Variants in ZFHX4 observed in about 807,000 individuals in gnomAD.
The protein encoded by ZFHX4 is zinc finger homeobox 4, also known as zinc finger homeobox protein 4.
ZFHX4 carries 56 observed loss-of-function variants against 267.6 expected under a neutral mutation model. The observed-to-expected ratio is 0.21, with a 90% CI of 0.17 to 0.26. ZFHX4 has a LOEUF of 0.26. Among genes scored for constraint, ZFHX4 ranks in the 10% least tolerant of loss-of-function variants. ZFHX4 has a pLI of 1.00. For synonymous variants in ZFHX4, 1,778 were observed against 1,665.6 expected, an observed-to-expected ratio of 1.07 and a Z score of -1.64; for missense variants, 4,332 against 4,420.0, an observed-to-expected ratio of 0.98 and a Z score of 0.56.
chr8:76,696,193 C>T (rs1807951609), intron 1 of ZFHX4, among the ~76,000 whole-genome samples: 1 of 152,136 alleles, frequency 6.6e-6, no homozygotes, highest in Non-Finnish European at 1.5e-5. Context: ...GTTCTGTAGA[C>T]ACTAATCTTA....
At chr8:76,847,631 G>T (rs1812398629) in intron 6 of ZFHX4, among the ~76,000 whole-genome samples, 1 of 151,932 alleles carries the variant, frequency 6.6e-6, no homozygotes, top group Non-Finnish European at 1.5e-5. Context: ...ATTTTGATCT[G>T]CATGGAATCA....
rs780992538 is a variant in ZFHX4, at chr8:76,706,574, T to C, written c.2486T>C (p.Ile829Thr). 8.1e-6 allele frequency: 13 copies of C among 1,611,702 alleles called. No individual in the cohort carries two copies. The South Asian group carries it at 1.3e-4, about 16-fold the overall frequency. Residue 829 changes from isoleucine to threonine, a missense_variant, in exon 2 of 11, where the codon ATA becomes ACA. By Grantham distance (89) the Ile-to-Thr change is moderately conservative (BLOSUM62 -1). Transcript: ENST00000651372. ...TATCAGTACTACCTAGCCCAGAACA[T>C]AGGCCTGACCGGAATGAAGCTGGAA... is the stretch of plus-strand genomic sequence containing the variant. ...ELYQYYLAQN[I>T]GLTGMKLENP... is the part of the protein sequence containing the mutation.
At chr8:76,847,164 T>C (rs1215657511) in intron 6 of ZFHX4, among the ~76,000 whole-genome samples, 1 of 152,206 alleles carries the variant, frequency 6.6e-6, no homozygotes, top group Non-Finnish European at 1.5e-5. Context: ...TAAAATATCA[T>C]AGTTTTCTTA....
At chr8:76,715,481 T>TAA (rs764567552) in intron 3 of ZFHX4, among the ~76,000 whole-genome samples, 18 of 62,338 alleles carry the variant, frequency 2.9e-4, no homozygotes, top group East Asian at 1.2e-3. Flanking sequence ...GACTCCATCT[T>TAA]AAAAAAAAAA....
chr8:76,754,304 G>A (rs756690019), intron 3 of ZFHX4, among the ~76,000 whole-genome samples: 15 of 151,984 alleles, frequency 9.9e-5, no homozygotes, highest in South Asian at 2.1e-4. Context: ...CCTGGCCAAC[G>A]TGACAAAACC....
chr8:76,774,765 T>C (rs540312048), intron 3 of ZFHX4, among the ~76,000 whole-genome samples: 107 of 152,264 alleles, frequency 7.0e-4, no homozygotes, highest in African/African-American at 2.5e-3. Context: ...TTTTAGAAAT[T>C]TGAAAAATTT....
At chr8:76,748,119 G>C (rs1001475191) in intron 3 of ZFHX4, among the ~76,000 whole-genome samples, 6 of 151,934 alleles carry the variant, frequency 3.9e-5, no homozygotes, top group Admixed American at 2.0e-4. Context: ...TTATATGTTT[G>C]CAAAATCCTT....
Position 76,849,110 on chromosome 8 carries a change from T to A in ZFHX4, c.3627T>A (p.Asn1209Lys). Residue 1209 changes from asparagine to lysine, a missense_variant, in exon 7 of 11, where the codon AAT (asparagine) becomes AAA (lysine). Physicochemically the swap from Asn to Lys is moderately conservative, Grantham distance 94. Transcript: ENST00000651372. ...ATKRSKPTEDNKFCHEQFYQC... is the reference protein window; with the variant it reads ...ATKRSKPTEDKKFCHEQFYQC... ...AAAGGTCAAAACCTACAGAGGACAATAAATTCTGTCATGAACAGGTAAATA... is the reference window on the plus strand; with the variant it reads ...AAAGGTCAAAACCTACAGAGGACAAAAAATTCTGTCATGAACAGGTAAATA... 1 of 1,559,952 alleles carries A rather than the reference T, an allele frequency of 6.4e-7. No individual in the cohort carries two copies. Among genetic ancestry groups the A allele is most frequent in the Non-Finnish European group, 8.7e-7 (1 of 1,151,988 alleles).
At position 76,706,631 on chromosome 8, in the gene ZFHX4, C is replaced by A. The variant is rs1457638884; in HGVS notation, c.2543C>A (p.Pro848Gln). 1 of 1,605,278 alleles carries A rather than the reference C, an allele frequency of 6.2e-7. No homozygotes were observed. Among genetic ancestry groups the A allele is most frequent in the Non-Finnish European group, 8.5e-7 (1 of 1,176,662 alleles). ...GCCGACCCTCAGCTGATGATCAATC[C>A]ATTCCAGCTGGATCCAGCGACAGCA... is the stretch of plus-strand genomic sequence containing the variant. ...NPADPQLMIN[P>Q]FQLDPATAAA... The change falls in exon 2 of 11, where the codon CCA (proline) becomes CAA (glutamine). Residue 848 changes from proline (P) to glutamine (Q), a missense_variant. Pro to Gln is a moderately conservative substitution (Grantham distance 76, BLOSUM62 -1). Transcript: ENST00000651372.
In ZFHX4 at chr8:76,866,524, T is replaced by C. The variant is rs1427338009; in HGVS notation, c.*1959T>C. The C allele has an allele frequency of 6.6e-6, 1 of 152,370 alleles. No individual in the cohort carries two copies. The highest frequency in any genetic ancestry group is 1.9e-4 in the East Asian group (1 of 5,168). 9.4% of individuals were successfully genotyped at this position (152,370 alleles called of 1,614,324 possible). A position where few individuals can be genotyped will look rare whatever the true frequency, so the allele number is the denominator to read the frequency against. On this transcript the variant is annotated 3_prime_UTR_variant, in exon 11 of 11. Transcript: ENST00000651372. ...CTGAAGACACTTTTTTGATTGTGTTTCGTAAGAGACAACATGGCCTCCTAA... is the reference window on the plus strand; with the variant it reads ...CTGAAGACACTTTTTTGATTGTGTTCCGTAAGAGACAACATGGCCTCCTAA...
In ZFHX4 at chr8:76,852,631, G is replaced by A; in HGVS notation, c.5710G>A (p.Ala1904Thr). ...CCCACCACCCCGAATAGCTTCAGGG[G>A]CCAGAGGAAATGCTGCCAAAGCGTT... is the stretch of plus-strand genomic sequence containing the variant. ...SIPPPRIASG[A>T]RGNAAKALLE... Residue 1904 changes from alanine to threonine, a missense_variant, in exon 10 of 11, where the codon GCC becomes ACC. This residue lies in a region of ZFHX4 where 1,371 missense variants were observed against 1,423.1 expected (regional missense o/e 0.96). Coordinates refer to ENST00000651372, the MANE Select transcript of ZFHX4 (RefSeq NM_024721.5). 6.2e-7 allele frequency: 1 copy of A among 1,613,044 alleles called. No homozygotes were observed. Among genetic ancestry groups the A allele is most frequent in the Non-Finnish European group, 8.5e-7 (1 of 1,179,404 alleles).
intron 4 of ZFHX4, among the ~76,000 whole-genome samples, chr8:76,802,438 T>G (rs906102838): frequency 6.6e-6 from 1 of 152,168 alleles, no homozygotes; most frequent in African/African-American, 2.4e-5. Context: ...AAAACGCATA[T>G]GTACTTGTAG....
chr8:76,749,079 T>C (rs1262170225), intron 3 of ZFHX4, among the ~76,000 whole-genome samples: 1 of 152,240 alleles, frequency 6.6e-6, no homozygotes, highest in Non-Finnish European at 1.5e-5. Flanking sequence ...GGACTTTGTC[T>C]GGGATGAACT....
chr8:76,717,964 G>T (rs1032098183), intron 3 of ZFHX4, among the ~76,000 whole-genome samples: 1 of 152,130 alleles, frequency 6.6e-6, no homozygotes, highest in African/African-American at 2.4e-5. Flanking sequence ...CTAACTATTC[G>T]TTTGGCAGGC....
chr8:76,683,019 A>C (rs1203044387), intron 1 of ZFHX4: 1 of 152,170 alleles, frequency 6.6e-6, no homozygotes, highest in Non-Finnish European at 1.5e-5. Context: ...TTCCCCTAGA[A>C]GACGGTGCAC....
chr8:76,722,379 G>A (rs561893859), intron 3 of ZFHX4, among the ~76,000 whole-genome samples: 1 of 151,982 alleles, frequency 6.6e-6, no homozygotes, highest in African/African-American at 2.4e-5. Flanking sequence ...AACACTTGAT[G>A]AGCCTAATAA....
intron 3 of ZFHX4, among the ~76,000 whole-genome samples, chr8:76,734,721 T>A (rs1348041254): frequency 6.6e-6 from 1 of 152,154 alleles, no homozygotes; most frequent in East Asian, 1.9e-4. Context: ...GCATTTTCAG[T>A]GTGCTTTCAA....
At chr8:76,690,917 A>G (rs1807808246) in intron 1 of ZFHX4, among the ~76,000 whole-genome samples, 1 of 152,064 alleles carries the variant, frequency 6.6e-6, no homozygotes, top group South Asian at 2.1e-4. Flanking sequence ...ACTAGAAATT[A>G]CCAAAATGCC....
intron 4 of ZFHX4, among the ~76,000 whole-genome samples, chr8:76,779,574 A>AT (rs1810494957): frequency 6.6e-6 from 1 of 152,164 alleles, no homozygotes; most frequent in African/African-American, 2.4e-5. Context: ...AACCCGGACC[A>AT]ATGAGGGCAC....
Sources: allele counts gnomAD v4.1 joint callset (sites outside exome capture counted in the v4.1 genomes callset), GRCh38; gene constraint gnomAD v4.1.1; regional missense constraint gnomAD v4.1.1; transcripts MANE v1.5; gene names NCBI Gene and HGNC (gene_info 2026-07-23, HGNC 2026-07-21).